KLK5: variants seen among roughly 807,000 people sequenced by gnomAD.
KLK5 encodes kallikrein related peptidase 5, also known as kallikrein-5.
Under a neutral mutation model 24.0 loss-of-function variants are expected in KLK5, and 18 were observed. The ratio of observed to expected loss-of-function variants is 0.75; its 90% confidence interval spans 0.52 to 1.11. KLK5 has a LOEUF of 1.11. Ranked by LOEUF, KLK5 falls within the 50% of genes most tolerant of loss-of-function variation. KLK5 has a pLI of 0.00. For missense variants in KLK5, 374 were observed against 379.2 expected (o/e 0.99, Z 0.11); for synonymous variants, 140 against 154.0 (o/e 0.91, Z 0.67).
chr19:50,948,122 GTT>G (rs35017505), intron 5 of KLK5, among the ~76,000 whole-genome samples: 95 of 147,060 alleles, frequency 6.5e-4, no homozygotes, highest in African/African-American at 2.2e-3. Context: ...TTTTTTACTT[GTT>G]TTTTTTTTTC....
intron 2 of KLK5, among the ~76,000 whole-genome samples, chr19:50,951,249 A>C (rs545469496): frequency 1.2e-4 from 18 of 151,524 alleles, no homozygotes; most frequent in African/African-American, 4.4e-4. Context: ...TCCCGTGCCC[A>C]TTCACTGGTT....
chr19:50,949,739 A>ACCCCCCCTCCCCCCCC, intron 3 of KLK5, 116 bp downstream of exon 3: 1 of 432,332 alleles, frequency 2.3e-6, no homozygotes, highest in South Asian at 2.4e-5. Flanking sequence ...GACACCCCCA[A>ACCCCCCCTCCCCCCCC]CCCCACTTCC....
chr19:50,949,141 C>A, intron 3 of KLK5, 26 bp from the exon 4 acceptor site: 7 of 1,604,480 alleles, frequency 4.4e-6, no homozygotes, highest in Non-Finnish European at 5.9e-6. Context: ...CAGGTCACCA[C>A]CAACCCTGAT....
intron 5 of KLK5, among the ~76,000 whole-genome samples, chr19:50,945,185 C>T (rs925925607): frequency 2.6e-5 from 4 of 151,608 alleles, no homozygotes; most frequent in East Asian, 3.9e-4. Context: ...CATGGCTTAC[C>T]GCAGCCTCAA....
intron 5 of KLK5, among the ~76,000 whole-genome samples, chr19:50,944,049 G>A (rs1209454465): frequency 1.3e-5 from 2 of 151,862 alleles, no homozygotes; most frequent in Non-Finnish European, 2.9e-5. Context: ...TGTTGCCCAG[G>A]TTGGAGCGCA....
intron 5 of KLK5, 92 bp downstream of exon 5, chr19:50,948,548 G>A: frequency 7.6e-7 from 1 of 1,307,360 alleles, no homozygotes; most frequent in Non-Finnish European, 1.1e-6. Context: ...TGACTGTCTT[G>A]GCAATTGCTG....
At chr19:50,944,865 C>T (rs2090616806) in intron 5 of KLK5, among the ~76,000 whole-genome samples, 1 of 152,148 alleles carries the variant, frequency 6.6e-6, no homozygotes, top group Admixed American at 6.5e-5. Flanking sequence ...GTCTTCAATT[C>T]CCCATACCTC....
At chr19:50,948,815 G>T (rs752151149) in intron 4 of KLK5, 42 bp from the exon 5 acceptor site, 7 of 1,614,084 alleles carry the variant, frequency 4.3e-6, no homozygotes, top group Non-Finnish European at 5.1e-6. Context: ...AAAGATGGAA[G>T]GCGGCAGAGA....
chr19:50,946,622 C>T (rs966033141), intron 5 of KLK5, among the ~76,000 whole-genome samples: 2 of 151,606 alleles, frequency 1.3e-5, no homozygotes, highest in Admixed American at 6.6e-5. Flanking sequence ...TGCAGTGGTG[C>T]AACCTCGGCT....
At chr19:50,948,595 T>C (rs375617507) in intron 5 of KLK5, 45 bp downstream of exon 5, 14 of 1,605,058 alleles carry the variant, frequency 8.7e-6, no homozygotes, top group Middle Eastern at 1.7e-4. Flanking sequence ...TGTTACCGAG[T>C]TGGCACTCAG....
At chr19:50,948,580 C>T (rs925144309) in intron 5 of KLK5, 60 bp downstream of exon 5, 16 of 1,581,468 alleles carry the variant, frequency 1.0e-5, no homozygotes, top group African/African-American at 1.3e-5. Flanking sequence ...TTTGGCAACG[C>T]TCCATGTTAC....
At chr19:50,943,905 G>T in intron 5 of KLK5, 119 bp from the exon 6 acceptor site, 2 of 693,858 alleles carry the variant, frequency 2.9e-6, no homozygotes, top group Non-Finnish European at 4.7e-6. Context: ...GACACACAGA[G>T]ATGGAAAGTA....
chr19:50,944,153 A>T (rs1269767565), intron 5 of KLK5, among the ~76,000 whole-genome samples: 1 of 151,928 alleles, frequency 6.6e-6, no homozygotes, highest in African/African-American at 2.4e-5. Context: ...ACAGGTGTCC[A>T]TCACCACACC....
intron 5 of KLK5, among the ~76,000 whole-genome samples, chr19:50,944,818 A>T (rs547941794): frequency 6.6e-6 from 1 of 152,124 alleles, no homozygotes; most frequent in Non-Finnish European, 1.5e-5. Context: ...ATCACTCCCA[A>T]TAGAAATCCA....
chr19:50,946,763 G>A (rs1425771635), intron 5 of KLK5, among the ~76,000 whole-genome samples: 4 of 152,074 alleles, frequency 2.6e-5, no homozygotes, highest in Non-Finnish European at 2.9e-5. Flanking sequence ...GTTTCACCGT[G>A]TCAGCCAGGA....
intron 3 of KLK5, 102 bp downstream of exon 3, chr19:50,949,753 T>TCC: frequency 2.5e-6 from 1 of 403,276 alleles, no homozygotes; most frequent in African/African-American, 3.5e-5. Flanking sequence ...CACTTCCCCG[T>TCC]CCCCACCAGC....
chr19:50,946,704 C>T (rs780298738), intron 5 of KLK5, among the ~76,000 whole-genome samples: 44 of 152,020 alleles, frequency 2.9e-4, no homozygotes, highest in African/African-American at 7.2e-4. Flanking sequence ...GGACTACAGG[C>T]GCCTGCCACC....
intron 5 of KLK5, among the ~76,000 whole-genome samples, chr19:50,945,670 T>C (rs2090625605): frequency 6.6e-6 from 1 of 150,708 alleles, no homozygotes; most frequent in African/African-American, 2.4e-5. Context: ...GGGTGCCTGT[T>C]ATCCCAGCTA....
intron 3 of KLK5, 122 bp downstream of exon 3, chr19:50,949,732 AC>A (rs2090667246): frequency 2.8e-6 from 1 of 352,320 alleles, no homozygotes; most frequent in South Asian, 2.5e-5. Context: ...CTTCCATGAC[AC>A]CCCCAACCCC....
Sources: gnomAD v4.1 joint callset for allele counts (sites outside exome capture counted in the v4.1 genomes callset) on GRCh38, gnomAD v4.1.1 for gene constraint, MANE v1.5 for transcripts, NCBI Gene and HGNC (gene_info 2026-07-23, HGNC 2026-07-21) for gene names.